Variants in TTLL1 observed in about 807,000 individuals in gnomAD.
TTLL1 encodes polyglutamylase complex subunit TTLL1.
TTLL1 carries 33 observed loss-of-function variants against 47.8 expected under a neutral mutation model. The observed-to-expected ratio is 0.69, with a 90% CI of 0.52 to 0.92. The LOEUF is 0.92. Among genes scored for constraint, TTLL1 ranks in the 40% least tolerant of loss-of-function variants. The pLI, the probability that TTLL1 is intolerant of heterozygous loss-of-function variation, is 0.00. For missense variants in TTLL1, 488 were observed against 547.5 expected (o/e 0.89, Z 1.08); for synonymous variants, 225 against 214.1 (o/e 1.05, Z -0.45).
At chr22:43,040,050 C>T in intron 10 of TTLL1, 145 bp from the exon 11 acceptor site, 2 of 1,055,896 alleles carry the variant, frequency 1.9e-6, no homozygotes, top group Non-Finnish European at 2.7e-6. Context: ...CTGGCTCCCG[C>T]CCACCTCCCA....
chr22:43,059,285 C>T (rs756383131), intron 8 of TTLL1, 99 bp downstream of exon 8: 58 of 1,495,374 alleles, frequency 3.9e-5, no homozygotes, highest in Non-Finnish European at 4.8e-5. Flanking sequence ...TGAGCCGCCG[C>T]GCACAGCTGA....
intron 7 of TTLL1, among the ~76,000 whole-genome samples, chr22:43,061,866 T>C (rs1398812832): frequency 6.6e-6 from 1 of 152,210 alleles, no homozygotes; most frequent in Admixed American, 6.6e-5. Flanking sequence ...ATGCTTCAGA[T>C]CTCGGCTCCA....
At chr22:43,068,249 G>A (rs573438771) in intron 5 of TTLL1, among the ~76,000 whole-genome samples, 161 bp downstream of exon 5, 3 of 152,018 alleles carry the variant, frequency 2.0e-5, no homozygotes, top group South Asian at 4.2e-4. Flanking sequence ...CCCAGAAGGC[G>A]GAGGTTGCAG....
rs184099437 is a variant in TTLL1, at chr22:43,089,231, C to G, written c.-90+46G>C. 1,010 of 152,532 alleles carry G rather than the reference C, an allele frequency of 6.6e-3. 17 individuals are homozygous for G. Among genetic ancestry groups the G allele is most frequent in the Non-Finnish European group, 8.0e-3 (545 of 68,216 alleles). 9.4% of individuals were successfully genotyped at this position (152,532 alleles called of 1,614,324 possible). On this transcript the variant is annotated intron_variant, in intron 1 of 10. Coordinates refer to ENST00000266254, the MANE Select transcript of TTLL1 (RefSeq NM_012263.5). ...GCACTCGCCAGCCCGCGCGCAGCCA[C>G]ACCCTCGGTGCCCGGGAGGCGGCGG...
At chr22:43,067,577 C>T (rs1279330328) in intron 5 of TTLL1, among the ~76,000 whole-genome samples, 1 of 152,174 alleles carries the variant, frequency 6.6e-6, no homozygotes, top group Non-Finnish European at 1.5e-5. Context: ...GAGTCTGGGA[C>T]TAATCACACG....
At position 43,059,379 on chromosome 22, in the gene TTLL1, C is replaced by G; in HGVS notation, c.891+5G>C. The G allele has an allele frequency of 6.2e-7, 1 of 1,608,924 alleles. No homozygotes were observed. Among genetic ancestry groups the G allele is most frequent in the Non-Finnish European group, 8.5e-7 (1 of 1,177,512 alleles). ...AGCCGGCTCCCCCGCCCGCACCAAA[C>G]TCACCGCCACAGCCTTCAGGGACTG... On this transcript the variant is annotated splice_donor_5th_base_variant and intron_variant, in intron 8 of 10. Coordinates refer to ENST00000266254, the MANE Select transcript of TTLL1 (RefSeq NM_012263.5).
chr22:43,051,381 G>A (rs1424657039), intron 9 of TTLL1, among the ~76,000 whole-genome samples: 1 of 152,234 alleles, frequency 6.6e-6, no homozygotes, highest in Non-Finnish European at 1.5e-5. Flanking sequence ...TGCCAAAGAA[G>A]AGCAGGGGCG....
chr22:43,089,037 T>G (rs957860017), intron 1 of TTLL1, among the ~76,000 whole-genome samples: 4 of 152,150 alleles, frequency 2.6e-5, no homozygotes, highest in South Asian at 2.1e-4. Context: ...AACATAATGA[T>G]GCAATTGCAA....
intron 7 of TTLL1, among the ~76,000 whole-genome samples, chr22:43,060,415 A>T (rs1230961114): frequency 6.6e-6 from 1 of 152,186 alleles, no homozygotes; most frequent in African/African-American, 2.4e-5. Flanking sequence ...ACAGCGCCCC[A>T]CGGTGGGCAG....
intron 1 of TTLL1, among the ~76,000 whole-genome samples, chr22:43,082,624 G>A (rs569039283): frequency 6.6e-6 from 1 of 152,160 alleles, no homozygotes; most frequent in Non-Finnish European, 1.5e-5. Context: ...GCTGAGGCAG[G>A]AGAATTGCTT....
At chr22:43,054,635 G>A (rs1299305775) in intron 8 of TTLL1, among the ~76,000 whole-genome samples, 1 of 151,536 alleles carries the variant, frequency 6.6e-6, no homozygotes, top group East Asian at 1.9e-4. Flanking sequence ...TGTTGGCCAG[G>A]CTGGTCTCGA....
intron 9 of TTLL1, among the ~76,000 whole-genome samples, chr22:43,051,375 A>G (rs756257208): frequency 3.3e-5 from 5 of 152,242 alleles, no homozygotes; most frequent in Non-Finnish European, 7.3e-5. Context: ...CATATATGCC[A>G]AAGAAGAGCA....
chr22:43,056,462 C>CTTTTT (rs1052016247), intron 8 of TTLL1, among the ~76,000 whole-genome samples: 17 of 103,680 alleles, frequency 1.6e-4, no homozygotes, highest in South Asian at 3.1e-4. Context: ...TTCTTCTTGT[C>CTTTTT]TTTTTTTTTT....
At chr22:43,081,633 T>C (rs1928895118) in intron 1 of TTLL1, among the ~76,000 whole-genome samples, 1 of 152,044 alleles carries the variant, frequency 6.6e-6, no homozygotes, top group Non-Finnish European at 1.5e-5. Context: ...CACTGCAACC[T>C]CCGCCTCCTG....
chr22:43,082,344 C>T (rs901116787), intron 1 of TTLL1, among the ~76,000 whole-genome samples: 2 of 152,082 alleles, frequency 1.3e-5, no homozygotes, highest in African/African-American at 4.8e-5. Flanking sequence ...AAGACAGCTA[C>T]ATTTCCAGGA....
At chr22:43,080,318 G>C (rs544944459) in intron 1 of TTLL1, among the ~76,000 whole-genome samples, 1 of 152,230 alleles carries the variant, frequency 6.6e-6, no homozygotes, top group South Asian at 2.1e-4. Context: ...GCCTCCCAAA[G>C]TGCTGGATTT....
At chr22:43,085,268 G>A (rs940356386) in intron 1 of TTLL1, among the ~76,000 whole-genome samples, 5 of 152,138 alleles carry the variant, frequency 3.3e-5, no homozygotes, top group Non-Finnish European at 5.9e-5. Flanking sequence ...GAGCCACCGC[G>A]CCTGGCAAAG....
intron 7 of TTLL1, among the ~76,000 whole-genome samples, chr22:43,060,728 T>C (rs1287454920): frequency 6.6e-6 from 1 of 152,186 alleles, no homozygotes; most frequent in Non-Finnish European, 1.5e-5. Flanking sequence ...CTCCATACAA[T>C]GCTTATCTTT....
In TTLL1 at chr22:43,080,902, CTTTTTTTT is replaced by C. The variant is rs10529079; in HGVS notation, c.-89-924_-89-917del. Among the ~76,000 whole-genome samples, 33 of 69,294 alleles carry C rather than the reference CTTTTTTTT, an allele frequency of 4.8e-4. No individual in the cohort carries two copies. The East Asian group carries it at 6.1e-3, about 13-fold the overall frequency. The allele number at this position is 69,294 out of a possible 152,430, so 45.5% of individuals were successfully genotyped here. On this transcript the variant is annotated intron_variant, in intron 1 of 10. Transcript: ENST00000266254. ...GTCACCTGTTCCCAGTGTTGCATGA[CTTTTTTTT>C]TTTTTTTTTTTTTTTTTTTTTTTTT...
Sources: allele counts gnomAD v4.1 joint callset (sites outside exome capture counted in the v4.1 genomes callset), GRCh38; gene constraint gnomAD v4.1.1; transcripts MANE v1.5; gene names NCBI Gene and HGNC (gene_info 2026-07-23, HGNC 2026-07-21).